RNF144A: variants seen among roughly 807,000 people sequenced by gnomAD.
The protein encoded by RNF144A is ring finger protein 144A.
RNF144A carries 11 observed loss-of-function variants against 38.7 expected under a neutral mutation model. The observed-to-expected ratio is 0.28, with a 90% CI of 0.18 to 0.47. RNF144A has a LOEUF of 0.47. Among genes scored for constraint, RNF144A ranks in the 20% least tolerant of loss-of-function variants. The pLI is 0.99. For synonymous variants in RNF144A, 149 were observed against 143.9 expected (o/e 1.04, Z -0.25); for missense variants, 316 against 377.2 (o/e 0.84, Z 1.34).
chr2:6,968,177 C>G (rs1667788399), intron 2 of RNF144A, among the ~76,000 whole-genome samples: 1 of 152,224 alleles, frequency 6.6e-6, no homozygotes, highest in Non-Finnish European at 1.5e-5. Context: ...CTTGCTGATC[C>G]TTCCTCAAGG....
chr2:7,064,487 C>T (rs309268), intron 6 of RNF144A, among the ~76,000 whole-genome samples: 32 of 152,052 alleles, frequency 2.1e-4, no homozygotes, highest in Non-Finnish European at 3.5e-4. Context: ...TGTGACTCCA[C>T]GGGGAGGCTA....
intron 1 of RNF144A, among the ~76,000 whole-genome samples, chr2:6,928,645 G>A (rs556230516): frequency 2.6e-5 from 4 of 152,282 alleles, no homozygotes; most frequent in African/African-American, 9.6e-5. Context: ...CCTTTCTGGC[G>A]ACTGCGCATT....
At chr2:7,027,828 A>G (rs376479839) in intron 7 of RNF144A, among the ~76,000 whole-genome samples, 6 of 152,212 alleles carry the variant, frequency 3.9e-5, no homozygotes, top group Non-Finnish European at 5.9e-5. Context: ...TCATAAGTCA[A>G]TCATTTCTAT....
the RNF144A span, among the ~76,000 whole-genome samples, chr2:7,074,875 A>G: frequency 6.6e-6 from 1 of 152,190 alleles, no homozygotes; most frequent in Non-Finnish European, 1.5e-5. Flanking sequence ...TTTAGAATTT[A>G]TTTGAACGAG....
intron 6 of RNF144A, among the ~76,000 whole-genome samples, chr2:7,049,471 T>G (rs1401642053): frequency 6.6e-6 from 1 of 152,184 alleles, no homozygotes; most frequent in Non-Finnish European, 1.5e-5. Context: ...TTTGCTGATT[T>G]CACCTGGCAT....
chr2:7,030,780 A>G (rs147451963), intron 8 of RNF144A, among the ~76,000 whole-genome samples: 1 of 152,192 alleles, frequency 6.6e-6, no homozygotes, highest in Non-Finnish European at 1.5e-5. Flanking sequence ...TGTCATGATT[A>G]CATTGTAATA....
Position 6,985,268 on chromosome 2 carries a change from CTCTTTTT to C in RNF144A, c.-11-11646_-11-11640del, listed in dbSNP as rs1212097736. The stretch of plus-strand genomic sequence containing the variant: ...ATGTTTTAATTCATCTCCCTCCCCC[CTCTTTTT>C]TTTTTTTTTTTTTTTTTTAACAATG... On this transcript the variant is annotated intron_variant, in intron 2 of 8. Coordinates refer to ENST00000320892, the MANE Select transcript of RNF144A (RefSeq NM_014746.6). Among the ~76,000 whole-genome samples, 34 of 128,650 alleles carry C rather than the reference CTCTTTTT, an allele frequency of 2.6e-4. 1 individual carries two copies. Among genetic ancestry groups the C allele is most frequent in the African/African-American group, 9.4e-4 (32 of 34,100 alleles). 84.4% of individuals were successfully genotyped at this position (128,650 alleles called of 152,430 possible). A position where few individuals can be genotyped will look rare whatever the true frequency, so the allele number is the denominator to read the frequency against.
chr2:7,055,565 A>G (rs1673711508), intron 6 of RNF144A, among the ~76,000 whole-genome samples: 1 of 152,106 alleles, frequency 6.6e-6, no homozygotes, highest in African/African-American at 2.4e-5. Flanking sequence ...CCTCCCCAGC[A>G]TGTTTATATC....
chr2:6,992,627 C>T lies in RNF144A; in HGVS notation c.-11-4289C>T, dbSNP rs901987315. 2.0e-5 allele frequency among the ~76,000 whole-genome samples: 3 copies of T among 152,210 alleles called. No homozygotes were observed. The East Asian group carries it at 5.8e-4, about 29-fold the overall frequency. ...TAAGAGGTGGATGATGACTGGCTGG[C>T]AGCTGCCTACCTTTCCAAGGTTTGC... is the stretch of plus-strand genomic sequence containing the variant. On this transcript the variant is annotated intron_variant, in intron 2 of 8. Coordinates refer to ENST00000320892, the MANE Select transcript of RNF144A (RefSeq NM_014746.6).
intron 1 of RNF144A, among the ~76,000 whole-genome samples, chr2:6,930,319 G>A (rs1409853818): frequency 6.6e-6 from 1 of 152,022 alleles, no homozygotes; most frequent in African/African-American, 2.4e-5. Context: ...AATGTGCTGA[G>A]GAGAGGAATC....
chr2:6,993,757 T>A (rs1229514835), intron 2 of RNF144A, among the ~76,000 whole-genome samples: 1 of 152,188 alleles, frequency 6.6e-6, no homozygotes, highest in African/African-American at 2.4e-5. Context: ...ACTTCCGAAA[T>A]GACTAATTTC....
chr2:7,006,407 A>G (rs1361319782), intron 3 of RNF144A, among the ~76,000 whole-genome samples: 1 of 152,138 alleles, frequency 6.6e-6, no homozygotes, highest in African/African-American at 2.4e-5. Context: ...CTGTGCTGCA[A>G]AATGCTCCTG....
chr2:7,074,288 C>CT, the RNF144A span, among the ~76,000 whole-genome samples: 1 of 152,154 alleles, frequency 6.6e-6, no homozygotes, highest in African/African-American at 2.4e-5. Flanking sequence ...CTGGGCCTGC[C>CT]TACCCACCCA....
Position 7,043,361 on chromosome 2 carries a change from A to C in RNF144A, c.*3601A>C, listed in dbSNP as rs1000824298. 7.1e-6 allele frequency: 7 copies of C among 985,098 alleles called. No homozygotes were observed. In the South Asian group the frequency reaches 2.3e-4, roughly 33 times the overall value. The allele number at this position is 985,098 out of a possible 1,614,324, so 61.0% of individuals were successfully genotyped here. ...AGAAGTCATTTTACAAATTAAAAAA[A>C]CATTTTTTTCTTGGTAGTCTTTAAA... On this transcript the variant is annotated 3_prime_UTR_variant, in exon 9 of 9. Coordinates refer to ENST00000320892, the MANE Select transcript of RNF144A (RefSeq NM_014746.6).
At chr2:7,049,067 G>C (rs1167651233), downstream of RNF144A, among the ~76,000 whole-genome samples, 1 of 152,226 alleles carries the variant, frequency 6.6e-6, no homozygotes, top group East Asian at 1.9e-4. Context: ...TAGGATCACA[G>C]AGGAGGAATG....
intron 2 of RNF144A, among the ~76,000 whole-genome samples, chr2:6,957,191 T>A (rs763344447): frequency 6.6e-6 from 1 of 152,164 alleles, no homozygotes; most frequent in Non-Finnish European, 1.5e-5. Flanking sequence ...GAGAAACCCC[T>A]TCTCTGTCCC....
downstream of RNF144A, among the ~76,000 whole-genome samples, chr2:7,071,144 C>T (rs1311601606): frequency 6.6e-6 from 1 of 152,078 alleles, no homozygotes; most frequent in Non-Finnish European, 1.5e-5. Context: ...CCATGTTGGC[C>T]AGGCTGGCCT....
chr2:7,054,023 G>A (rs1673629663), intron 6 of RNF144A, among the ~76,000 whole-genome samples: 1 of 152,238 alleles, frequency 6.6e-6, no homozygotes, highest in African/African-American at 2.4e-5. Flanking sequence ...GCATGGCATG[G>A]CTTGTGCTTG....
chr2:7,014,323 C>T, intron 3 of RNF144A, 131 bp from the exon 4 acceptor site: 2 of 692,532 alleles, frequency 2.9e-6, no homozygotes, highest in South Asian at 3.4e-5. Flanking sequence ...GTGTTGGTTG[C>T]TGTGGACTAC....
Sources: allele counts gnomAD v4.1 joint callset (sites outside exome capture counted in the v4.1 genomes callset), GRCh38; gene constraint gnomAD v4.1.1; transcripts MANE v1.5; gene names NCBI Gene and HGNC (gene_info 2026-07-23, HGNC 2026-07-21).